The following DNMT3A variants were observed in gnomAD, a reference collection of about 807,000 sequenced individuals.
The protein encoded by DNMT3A is DNA methyltransferase 3 alpha.
Under a neutral mutation model 117.6 loss-of-function variants are expected in DNMT3A, and 267 were observed. That is an observed-to-expected ratio of 2.27 (90% CI 2.05 to 2.51). The LOEUF (loss-of-function observed/expected upper bound fraction) is 2.51. Among genes scored for constraint, DNMT3A ranks in the 30% most tolerant of loss-of-function variants. The pLI, the probability that DNMT3A is intolerant of heterozygous loss-of-function variation, is 0.00. For missense variants in DNMT3A, 1,029 were observed against 1,260.2 expected, an observed-to-expected ratio of 0.82 and a Z score of 2.78; for synonymous variants, 432 against 474.8, an observed-to-expected ratio of 0.91 and a Z score of 1.17.
intron 6 of DNMT3A, among the ~76,000 whole-genome samples, chr2:25,265,462 C>CA (rs1223404182): frequency 2.0e-5 from 3 of 152,200 alleles, no homozygotes; most frequent in African/African-American, 7.2e-5. Flanking sequence ...TCAGGATACC[C>CA]ATGTGGCCGC....
intron 1 of DNMT3A, among the ~76,000 whole-genome samples, chr2:25,341,544 G>T (rs1189949243): frequency 6.8e-6 from 1 of 146,672 alleles, no homozygotes; most frequent in Non-Finnish European, 1.5e-5. Flanking sequence ...GGGCGGGGGC[G>T]GGGAGGGGGG....
intron 6 of DNMT3A, among the ~76,000 whole-genome samples, chr2:25,267,297 G>C (rs915827739): frequency 6.6e-6 from 1 of 152,206 alleles, no homozygotes; most frequent in Admixed American, 6.5e-5. Context: ...TTTCAGGCCA[G>C]GTGTGGTGGC....
At chr2:25,262,852 C>G (rs1225626086) in intron 6 of DNMT3A, among the ~76,000 whole-genome samples, 1 of 152,188 alleles carries the variant, frequency 6.6e-6, no homozygotes, top group Non-Finnish European at 1.5e-5. Flanking sequence ...CCCTAGTTAC[C>G]AGATCTCTTA....
chr2:25,270,670 T>TG (rs1281690615), intron 6 of DNMT3A, among the ~76,000 whole-genome samples: 1 of 138,844 alleles, frequency 7.2e-6, no homozygotes. Context: ...TGGCAGAGGG[T>TG]GGGGGGTGGA....
chr2:25,308,084 C>A (rs946096507), intron 2 of DNMT3A, among the ~76,000 whole-genome samples: 2 of 152,164 alleles, frequency 1.3e-5, no homozygotes, highest in African/African-American at 4.8e-5. Context: ...CACACTCTGT[C>A]CCCACCCATG....
rs1366959457 is a variant in DNMT3A at position 25,281,449 on chromosome 2, T to G, written c.448+992A>C. The G allele has an allele frequency of 9.6e-7, 1 of 1,043,278 alleles. No homozygotes were observed. Among genetic ancestry groups the G allele is most frequent in the Admixed American group, 5.6e-5 (1 of 17,882 alleles). 64.6% of individuals were successfully genotyped at this position (1,043,278 alleles called of 1,614,324 possible). On this transcript the variant is annotated intron_variant, in intron 4 of 22. Transcript: ENST00000321117. The surrounding 1 kb of genome is among the most constrained non-coding windows in gnomAD (Gnocchi z 4.8). ...GAATAATAAATGAATAAAAGCTTCT[T>G]AATAAGTTTGGAAATTTGTATTCTG...
At position 25,236,908 on chromosome 2, in the gene DNMT3A, A is replaced by C. The variant is rs1175012340; in HGVS notation, c.2478+28T>G. On this transcript the variant is annotated intron_variant, in intron 21 of 22. Transcript: ENST00000321117. The surrounding 1 kb of genome is among the most constrained non-coding windows in gnomAD (Gnocchi z 4.5). ...CTGCCCTTCCTTCTCCCTGCCCCCC[A>C]GCAGAGGTTCTAGACGCTGGAGCTG... 1 of 1,604,396 alleles carries C rather than the reference A, an allele frequency of 6.2e-7. No homozygotes were observed. The highest frequency in any genetic ancestry group is 1.3e-5 in the African/African-American group (1 of 74,740).
At chr2:25,275,410 G>GCCCCCCCC in intron 5 of DNMT3A, 90 bp downstream of exon 5, 5 of 1,451,146 alleles carry the variant, frequency 3.4e-6, no homozygotes, top group South Asian at 2.5e-5. Flanking sequence ...AGGAGGAGGG[G>GCCCCCCCC]CCCACCCTCC....
At chr2:25,334,507 T>C (rs1004340253) in intron 1 of DNMT3A, among the ~76,000 whole-genome samples, 8 of 152,186 alleles carry the variant, frequency 5.3e-5, no homozygotes, top group African/African-American at 1.7e-4. Context: ...GCCCCAGTTA[T>C]ACCTCCAGTT....
intron 16 of DNMT3A, among the ~76,000 whole-genome samples, chr2:25,243,429 G>C (rs1025206380): frequency 3.3e-5 from 5 of 152,254 alleles, no homozygotes; most frequent in African/African-American, 1.2e-4. Flanking sequence ...ATGGATGTAT[G>C]GTTATATAAA....
intron 17 of DNMT3A, among the ~76,000 whole-genome samples, 189 bp downstream of exon 17, chr2:25,241,373 T>C (rs1266601819): frequency 1.3e-5 from 2 of 152,140 alleles, no homozygotes; most frequent in Non-Finnish European, 2.9e-5. Context: ...CTAGCCCAAA[T>C]TCCCATTTCA....
Position 25,240,330 on chromosome 2 carries a change from T to C in DNMT3A, c.2294A>G (p.Asp765Gly). 1 of 1,614,196 alleles carries C rather than the reference T, an allele frequency of 6.2e-7. No homozygotes were observed. The change falls in exon 19 of 23, where the codon GAC becomes GGC. Residue 765 changes from aspartate (D) to glycine (G), a missense_variant. Asp to Gly is a moderately conservative substitution (Grantham distance 94). Coordinates refer to ENST00000321117, the MANE Select transcript of DNMT3A (RefSeq NM_022552.5). ...FENVVAMGVSDKRDISRFLES... is the reference protein window; with the variant it reads ...FENVVAMGVSGKRDISRFLES... ...GAGAAATCGCGAGATGTCCCTCTTG[T>C]CACTAACGCCCATGGCCACCACATT...
At chr2:25,319,440 G>A (rs1345494063) in intron 1 of DNMT3A, among the ~76,000 whole-genome samples, 2 of 152,106 alleles carry the variant, frequency 1.3e-5, no homozygotes, top group East Asian at 1.9e-4. Context: ...GTAAGCCACC[G>A]TGCTGGGCCC....
At chr2:25,302,396 A>G (rs186569271) in intron 2 of DNMT3A, among the ~76,000 whole-genome samples, 314 of 152,344 alleles carry the variant, frequency 2.1e-3, no homozygotes, top group Non-Finnish European at 2.9e-3. Flanking sequence ...GGGCTGGAGA[A>G]GGACCAAAGA....
At position 25,252,417 on chromosome 2, in the gene DNMT3A, G is replaced by A. The variant is rs1447452386; in HGVS notation, c.640-4165C>T. The A allele has an allele frequency of 2.1e-6, 1 of 468,088 alleles. No individual in the cohort carries two copies. Among genetic ancestry groups the A allele is most frequent in the Non-Finnish European group, 3.6e-6 (1 of 275,512 alleles). The allele number at this position is 468,088 out of a possible 1,614,324, so 29.0% of individuals were successfully genotyped here. ...GCCCCGCTGGAGGGCCTGGTTGGCT[G>A]CGAGCGGCCCGGGGAGGGGGCCGGC... On this transcript the variant is annotated intron_variant, in intron 6 of 22. Transcript: ENST00000321117. This position sits in a 1 kb window ranked among gnomAD's most constrained non-coding sequence, Gnocchi z 5.5.
chr2:25,235,828 A>C lies in DNMT3A; in HGVS notation c.2479-3T>G. ...GTAATGGTCCTCACTTTGCTGAACT[A>C]GATGAAGAGGAGAAAAGAGGAATAA... On this transcript the variant is annotated splice_polypyrimidine_tract_variant and splice_region_variant and intron_variant, in intron 21 of 22. Coordinates refer to ENST00000321117, the MANE Select transcript of DNMT3A (RefSeq NM_022552.5). 1.2e-6 allele frequency: 2 copies of C among 1,612,074 alleles called. No individual in the cohort carries two copies. The highest frequency in any genetic ancestry group is 1.7e-6 in the Non-Finnish European group (2 of 1,178,144).
intron 3 of DNMT3A, among the ~76,000 whole-genome samples, chr2:25,287,221 G>A (rs1279298768): frequency 6.6e-6 from 1 of 151,890 alleles, no homozygotes; most frequent in South Asian, 2.1e-4. Flanking sequence ...TGGGGGTGCC[G>A]ACCATTCTAG....
chr2:25,252,218 T>TG lies in DNMT3A; in HGVS notation c.640-3967dup. 1 of 1,551,386 alleles carries TG rather than the reference T, an allele frequency of 6.4e-7. No individual in the cohort carries two copies. Among genetic ancestry groups the TG allele is most frequent in the Non-Finnish European group, 8.7e-7 (1 of 1,149,676 alleles). ...CCCATAAGGCCAGGTGCAGCCCCTC[T>TG]GCAGTCGCGCTCAGGTGTGAGCCGC... On this transcript the variant is annotated intron_variant, in intron 6 of 22. Transcript: ENST00000321117. This position sits in a 1 kb window ranked among gnomAD's most constrained non-coding sequence, Gnocchi z 5.5.
rs1558665504 is a variant in DNMT3A at position 25,244,296 on chromosome 2, CCCCGGCCCCACCAAGAGGTCCA to C, written c.1688_1709del (p.Val563GlyfsTer81). 1 of 1,611,282 alleles carries C rather than the reference CCCCGGCCCCACCAAGAGGTCCA, an allele frequency of 6.2e-7. No individual in the cohort carries two copies. The highest frequency in any genetic ancestry group is 1.3e-5 in the African/African-American group (1 of 74,774). On this transcript the variant is annotated frameshift_variant, in exon 15 of 23. Transcript: ENST00000321117. LOFTEE classifies it high-confidence loss of function. ...CTTCCTTAATGGCTGCCTGGGCAGC[CCCCGGCCCCACCAAGAGGTCCA>C]CACACTCCACGCAAAAGCACCTGGA...
Sources: allele counts gnomAD v4.1 joint callset (sites outside exome capture counted in the v4.1 genomes callset), GRCh38; gene constraint gnomAD v4.1.1; non-coding constraint Gnocchi (gnomAD v3.1); transcripts MANE v1.5; gene names NCBI Gene and HGNC (gene_info 2026-07-23, HGNC 2026-07-21).